The following BAZ2B variants were observed in gnomAD, a reference collection of about 807,000 sequenced individuals.
BAZ2B encodes bromodomain adjacent to zinc finger domain 2B.
A neutral mutation model predicts 246.0 loss-of-function variants in BAZ2B; 91 were observed. The ratio of observed to expected loss-of-function variants is 0.37; its 90% CI spans 0.31 to 0.44. BAZ2B has a LOEUF of 0.44. BAZ2B is among the 20% of genes least tolerant of loss of function. BAZ2B has a pLI of 1.00. For synonymous variants in BAZ2B, 855 were observed against 860.0 expected (o/e 0.99, Z 0.10); for missense variants, 2,332 against 2,533.7 (o/e 0.92, Z 1.71).
intron 1 of BAZ2B, among the ~76,000 whole-genome samples, chr2:159,584,837 G>A (rs1368381896): frequency 1.3e-5 from 2 of 152,130 alleles, no homozygotes; most frequent in Non-Finnish European, 2.9e-5. Context: ...CCTTGGTATT[G>A]TTGTTGCAAT....
chr2:159,658,573 AGT>A, the BAZ2B span, among the ~76,000 whole-genome samples: 1 of 152,164 alleles, frequency 6.6e-6, no homozygotes, highest in Admixed American at 6.5e-5. Flanking sequence ...GATGGAGTGC[AGT>A]GGTGCAATCT....
intron 13 of BAZ2B, among the ~76,000 whole-genome samples, chr2:159,413,886 C>T (rs1436621512): frequency 1.3e-5 from 2 of 152,052 alleles, no homozygotes; most frequent in Non-Finnish European, 2.9e-5. Flanking sequence ...ATAGAGCTAC[C>T]ATATAATTCA....
intron 2 of BAZ2B, among the ~76,000 whole-genome samples, chr2:159,547,858 G>A (rs1210015787): frequency 6.6e-6 from 1 of 152,056 alleles, no homozygotes; most frequent in Non-Finnish European, 1.5e-5. Flanking sequence ...TTTAAATCAA[G>A]GGATTGTGTA....
chr2:159,527,304 T>C (rs1578105629), intron 2 of BAZ2B, among the ~76,000 whole-genome samples: 1 of 152,202 alleles, frequency 6.6e-6, no homozygotes, highest in African/African-American at 2.4e-5. Context: ...TTGGACTGTT[T>C]GCCTTTTTAC....
chr2:159,326,033 A>C, intron 34 of BAZ2B, 115 bp from the exon 35 acceptor site: 2 of 878,938 alleles, frequency 2.3e-6, no homozygotes, highest in Non-Finnish European at 3.3e-6. Context: ...ACTCTGATCT[A>C]GAATGTTGAT....
the BAZ2B span, among the ~76,000 whole-genome samples, chr2:159,653,156 G>C: frequency 6.6e-6 from 1 of 152,048 alleles, no homozygotes; most frequent in East Asian, 1.9e-4. Flanking sequence ...GGCCAGGCTA[G>C]TCTTGACTCC....
rs1204044581 is a variant in BAZ2B at position 159,431,055 on chromosome 2, T to C, written c.2002A>G (p.Thr668Ala). 6.2e-7 allele frequency: 1 copy of C among 1,613,938 alleles called. No individual in the cohort carries two copies. Among genetic ancestry groups the C allele is most frequent in the African/African-American group, 1.3e-5 (1 of 74,926 alleles). Reference protein sequence around the residue: ...ESDSDTEGEKTSMKLNKTTSS... With the variant: ...ESDSDTEGEKASMKLNKTTSS... ...GTTGTTTTATTCAGTTTCATTGAAG[T>C]TTTCTCTCCTTCAGTATCACTATCT... The change falls in exon 10 of 37, where the codon ACT becomes GCT. Residue 668 changes from threonine to alanine, a missense_variant. This residue lies in a region of BAZ2B where 651 missense variants were observed against 650.9 expected (regional missense o/e 1.00). Coordinates refer to ENST00000392783, the MANE Select transcript of BAZ2B (RefSeq NM_013450.4).
chr2:159,558,566 G>A (rs1168617043), intron 1 of BAZ2B, among the ~76,000 whole-genome samples: 1 of 152,024 alleles, frequency 6.6e-6, no homozygotes, highest in Non-Finnish European at 1.5e-5. Context: ...GGCTCCAGCA[G>A]GTAGAAATTT....
In BAZ2B at chr2:159,579,757, G is replaced by C. The variant is rs183849071; in HGVS notation, c.-45-23892C>G. ...GCTTCATCCCTGGGATGCAAGGCTG[G>C]TTCAACATACACAAATCAATAAATG... On this transcript the variant is annotated intron_variant, in intron 1 of 36. Transcript: ENST00000392783. Among the ~76,000 whole-genome samples the C allele has an allele frequency of 4.6e-5, 7 of 152,274 alleles. No homozygotes were observed. The East Asian group carries it at 1.2e-3, about 25-fold the overall frequency.
chr2:159,704,104 T>G, the BAZ2B span, among the ~76,000 whole-genome samples: 1 of 152,228 alleles, frequency 6.6e-6, no homozygotes, highest in Non-Finnish European at 1.5e-5. Context: ...GCATGCTTGC[T>G]GTCAAGAGCA....
chr2:159,600,292 T>C lies in BAZ2B; in HGVS notation c.-46+15950A>G, dbSNP rs116839455. ...AATCTTTAAGATAATTATTGTATGA[T>C]CACATTGCTACAAAATCTTACCAGA... is the stretch of plus-strand genomic sequence containing the variant. On this transcript the variant is annotated intron_variant, in intron 1 of 36. Coordinates refer to ENST00000392783, the MANE Select transcript of BAZ2B (RefSeq NM_013450.4). Among the ~76,000 whole-genome samples the C allele has an allele frequency of 8.1e-3, 1,231 of 152,208 alleles. 15 individuals carry two copies. Among genetic ancestry groups the C allele is most frequent in the African/African-American group, 0.027 (1,137 of 41,490 alleles).
chr2:159,495,484 C>CAAAAAAAAAAA (rs56365046), intron 2 of BAZ2B, among the ~76,000 whole-genome samples: 1 of 73,220 alleles, frequency 1.4e-5, no homozygotes, highest in Non-Finnish European at 2.3e-5. Flanking sequence ...GACTCCGTCT[C>CAAAAAAAAAAA]AAAAAAAAAA....
At position 159,531,279 on chromosome 2, in the gene BAZ2B, T is replaced by G. The variant is rs948681737; in HGVS notation, c.-3+24544A>C. On this transcript the variant is annotated intron_variant, in intron 2 of 36. Transcript: ENST00000392783. Reference sequence around the variant, plus strand: ...AATGAGTGGACTGGTCCAGGGTTTTTAGCACACTGTTAGGCTTTAATATTC... The same window carrying G: ...AATGAGTGGACTGGTCCAGGGTTTTGAGCACACTGTTAGGCTTTAATATTC... Among the ~76,000 whole-genome samples, 8 of 152,202 alleles carry G rather than the reference T, an allele frequency of 5.3e-5. No individual in the cohort carries two copies. In the East Asian group the frequency reaches 1.3e-3, roughly 26 times the overall value.
At chr2:159,516,699 C>G (rs1166231712) in intron 2 of BAZ2B, 6 of 152,522 alleles carry the variant, frequency 3.9e-5, no homozygotes. Context: ...CACCAGCAAA[C>G]GTGAATGCTC....
chr2:159,438,950 A>C, intron 7 of BAZ2B, 59 bp downstream of exon 7: 1 of 1,526,614 alleles, frequency 6.6e-7, no homozygotes, highest in South Asian at 1.2e-5. Context: ...AGTCAAGATA[A>C]ACCAGTTAAT....
At chr2:159,446,698 C>T in intron 6 of BAZ2B, 84 bp downstream of exon 6, 2 of 1,297,778 alleles carry the variant, frequency 1.5e-6, no homozygotes, top group South Asian at 1.7e-5. Context: ...AGAAATTAAA[C>T]CATAGATTCT....
chr2:159,328,654 G>A (rs531227699), intron 34 of BAZ2B, among the ~76,000 whole-genome samples: 14 of 152,126 alleles, frequency 9.2e-5, no homozygotes, highest in Non-Finnish European at 1.9e-4. Context: ...GTGCCCATGA[G>A]GGGTCCAATG....
At chr2:159,388,734 G>A (rs539575627) in intron 21 of BAZ2B, among the ~76,000 whole-genome samples, 1 of 152,190 alleles carries the variant, frequency 6.6e-6, no homozygotes, top group Admixed American at 6.5e-5. Context: ...CACTGAAGGA[G>A]GTCACAGATT....
At chr2:159,638,220 T>C in the BAZ2B span, among the ~76,000 whole-genome samples, 8 of 152,266 alleles carry the variant, frequency 5.3e-5, no homozygotes, top group East Asian at 9.6e-4. Context: ...CACAGCATTA[T>C]TGGGCTTGGG....
Sources: gnomAD v4.1 joint callset for allele counts (sites outside exome capture counted in the v4.1 genomes callset) on GRCh38, gnomAD v4.1.1 for gene constraint, gnomAD v4.1.1 regional missense constraint, MANE v1.5 for transcripts, NCBI Gene and HGNC (gene_info 2026-07-23, HGNC 2026-07-21) for gene names.